TBC1D8: variants seen among roughly 807,000 people sequenced by gnomAD.
TBC1D8 encodes the protein TBC1 domain family member 8, also known as BUB2-like protein 1.
TBC1D8 carries 65 observed loss-of-function variants against 118.8 expected under a neutral mutation model. That is an observed-to-expected ratio of 0.55 (90% CI 0.45 to 0.67). The LOEUF is 0.67. Among genes scored for constraint, TBC1D8 ranks in the 30% least tolerant of loss-of-function variants. The pLI is 0.00. For missense variants in TBC1D8, 1,376 were observed against 1,471.2 expected (o/e 0.94, Z 1.06); for synonymous variants, 566 against 595.8 (o/e 0.95, Z 0.73).
At chr2:101,082,751 T>A (rs1675347724) in intron 2 of TBC1D8, among the ~76,000 whole-genome samples, 1 of 152,042 alleles carries the variant, frequency 6.6e-6, no homozygotes, top group Admixed American at 6.6e-5. Context: ...CTGGATCCCA[T>A]CTGGGTTGCC....
intron 2 of TBC1D8, among the ~76,000 whole-genome samples, chr2:101,063,429 A>C (rs1682862542): frequency 6.6e-6 from 1 of 152,238 alleles, no homozygotes; most frequent in Non-Finnish European, 1.5e-5. Context: ...CTTTTGTTCC[A>C]ATCTACCCTG....
intron 3 of TBC1D8, 33 bp downstream of exon 3, chr2:101,059,388 G>C (rs1275711245): frequency 6.6e-7 from 1 of 1,505,658 alleles, no homozygotes; most frequent in Non-Finnish European, 9.2e-7. Context: ...AAGATGGAAA[G>C]ATGGGGAGAA....
chr2:101,124,595 G>A (rs185770071), intron 1 of TBC1D8, among the ~76,000 whole-genome samples: 4 of 152,298 alleles, frequency 2.6e-5, no homozygotes, highest in Admixed American at 2.0e-4. Flanking sequence ...GATGAGGTCA[G>A]TTAGGGTTAT....
chr2:101,137,547 T>C (rs987188200), intron 1 of TBC1D8, among the ~76,000 whole-genome samples: 12 of 150,116 alleles, frequency 8.0e-5, no homozygotes, highest in Non-Finnish European at 3.0e-5. Flanking sequence ...CTCCTGACCA[T>C]GTGATCCGCC....
intron 1 of TBC1D8, among the ~76,000 whole-genome samples, chr2:101,131,763 C>T (rs1678602276): frequency 6.6e-6 from 1 of 151,962 alleles, no homozygotes; most frequent in Non-Finnish European, 1.5e-5. Flanking sequence ...TGCGGCGAGC[C>T]AAGATCGTGA....
chr2:101,085,564 C>T (rs1379599287), intron 2 of TBC1D8, among the ~76,000 whole-genome samples: 1 of 152,090 alleles, frequency 6.6e-6, no homozygotes. Flanking sequence ...TCCGGGATAA[C>T]GATGCCCAAG....
chr2:101,008,363 GAC>G (rs1455763998), intron 19 of TBC1D8, 90 bp from the exon 20 acceptor site: 11 of 1,035,532 alleles, frequency 1.1e-5, no homozygotes, highest in African/African-American at 3.2e-5. Flanking sequence ...TTGAGAAAAC[GAC>G]ACAGTATTTT....
chr2:101,056,208 T>C (rs1322288015), intron 3 of TBC1D8, among the ~76,000 whole-genome samples: 3 of 113,816 alleles, frequency 2.6e-5, no homozygotes, highest in Non-Finnish European at 4.7e-5. Flanking sequence ...ATTATTATTA[T>C]TTTTTTTTTT....
At chr2:101,024,136 A>C (rs1473445241) in intron 15 of TBC1D8, 2 of 152,292 alleles carry the variant, frequency 1.3e-5, no homozygotes, top group African/African-American at 4.8e-5. Flanking sequence ...CCAAGGACAA[A>C]TATTAGTTTA....
intron 2 of TBC1D8, among the ~76,000 whole-genome samples, chr2:101,070,755 A>T (rs1030109467): frequency 3.9e-5 from 6 of 152,190 alleles, no homozygotes; most frequent in African/African-American, 1.2e-4. Context: ...TTCTGTAGTC[A>T]GCTAAGCTTC....
chr2:101,128,902 A>G (rs1574069668), intron 1 of TBC1D8, among the ~76,000 whole-genome samples: 1 of 152,306 alleles, frequency 6.6e-6, no homozygotes, highest in East Asian at 1.9e-4. Flanking sequence ...AGAAAGTAGA[A>G]TGATGGTTAC....
intron 1 of TBC1D8, among the ~76,000 whole-genome samples, chr2:101,149,224 G>A (rs1045773884): frequency 1.3e-5 from 2 of 152,188 alleles, no homozygotes; most frequent in Non-Finnish European, 1.5e-5. Flanking sequence ...ATCAAGGAAT[G>A]CCAGAGCCAC....
chr2:101,061,222 A>C (rs1477940571), intron 2 of TBC1D8, among the ~76,000 whole-genome samples: 1 of 145,574 alleles, frequency 6.9e-6, no homozygotes, highest in African/African-American at 2.5e-5. Context: ...CCAGGCATGC[A>C]TTTTGCTCAG....
At chr2:101,059,244 T>C (rs146001953) in intron 3 of TBC1D8, among the ~76,000 whole-genome samples, 177 bp downstream of exon 3, 2 of 150,682 alleles carry the variant, frequency 1.3e-5, no homozygotes, top group African/African-American at 4.9e-5. Context: ...ATGTCAGGTG[T>C]ATTTTGCTAG....
rs199523429 is a variant in TBC1D8, at chr2:101,052,568, C to CA, written c.631+1539dup. ...CTCGGCTCACTGCAACCTCCACCTC[C>CA]AGGGTTCAAGCGATTCTCGTGCTTC... On this transcript the variant is annotated intron_variant, in intron 4 of 19. Coordinates refer to ENST00000409318, the MANE Select transcript of TBC1D8 (RefSeq NM_001330348.2). Among the ~76,000 whole-genome samples the CA allele has an allele frequency of 6.0e-5, 9 of 151,136 alleles. No homozygotes were observed. The East Asian group carries it at 1.7e-3, about 29-fold the overall frequency.
chr2:101,023,737 T>TA, intron 15 of TBC1D8: 1 of 342,660 alleles, frequency 2.9e-6, no homozygotes, highest in Non-Finnish European at 5.9e-6. Flanking sequence ...CCACCCATAC[T>TA]AAATGACTAC....
intron 1 of TBC1D8, among the ~76,000 whole-genome samples, chr2:101,120,806 G>A (rs1002387541): frequency 2.0e-5 from 3 of 152,158 alleles, no homozygotes; most frequent in African/African-American, 4.8e-5. Context: ...TCACAACCAC[G>A]GGCTAGGGAC....
chr2:101,018,946 T>C, intron 17 of TBC1D8: 6 of 1,597,430 alleles, frequency 3.8e-6, no homozygotes, highest in Non-Finnish European at 5.1e-6. Flanking sequence ...ATGCTCTTCG[T>C]CTGTGTGTTA....
At chr2:101,137,336 G>A (rs1467513790) in intron 1 of TBC1D8, among the ~76,000 whole-genome samples, 3 of 148,242 alleles carry the variant, frequency 2.0e-5, no homozygotes, top group Middle Eastern at 3.8e-3. Flanking sequence ...TTTTTGAGAC[G>A]GAGTCTCGCA....
Sources: gnomAD v4.1 joint callset for allele counts (sites outside exome capture counted in the v4.1 genomes callset) on GRCh38, gnomAD v4.1.1 for gene constraint, MANE v1.5 for transcripts, NCBI Gene and HGNC (gene_info 2026-07-23, HGNC 2026-07-21) for gene names.